The following PFDN1 variants were observed in gnomAD, a reference collection of about 807,000 sequenced individuals.
PFDN1 encodes the protein prefoldin subunit 1.
In PFDN1, 6 loss-of-function variants were observed where a neutral mutation model predicts 17.3. The observed-to-expected ratio is 0.35, with a 90% CI of 0.19 to 0.69. The LOEUF is 0.69. Ranked by LOEUF, PFDN1 falls within the 30% of genes least tolerant of loss-of-function variation. The pLI, the probability that PFDN1 is intolerant of heterozygous loss-of-function variation, is 0.65. For missense variants in PFDN1, 113 were observed against 146.2 expected (o/e 0.77, Z 1.17); for synonymous variants, 58 against 50.1 (o/e 1.16, Z -0.67).
intron 2 of PFDN1, among the ~76,000 whole-genome samples, chr5:140,289,180 G>A (rs1316459098): frequency 1.3e-5 from 2 of 151,894 alleles, no homozygotes; most frequent in Non-Finnish European, 2.9e-5. Context: ...CCAACTATTT[G>A]GGAGGCTGAG....
chr5:140,259,736 C>T (rs931313265), intron 3 of PFDN1, among the ~76,000 whole-genome samples: 1 of 152,180 alleles, frequency 6.6e-6, no homozygotes, highest in African/African-American at 2.4e-5. Context: ...GGAGGTGTAA[C>T]TGACGCAACT....
intron 1 of PFDN1, among the ~76,000 whole-genome samples, chr5:140,302,096 C>T (rs1014043757): frequency 3.3e-5 from 5 of 152,216 alleles, no homozygotes; most frequent in Non-Finnish European, 4.4e-5. Context: ...TGACCACAGG[C>T]AGTCTTAACT....
intron 1 of PFDN1, among the ~76,000 whole-genome samples, chr5:140,300,912 GTAA>G (rs1212943259): frequency 1.3e-5 from 2 of 152,134 alleles, no homozygotes; most frequent in African/African-American, 4.8e-5. Flanking sequence ...AACCATAAAA[GTAA>G]TAACTCACTA....
At chr5:140,255,015 A>G (rs1166297945) in intron 3 of PFDN1, among the ~76,000 whole-genome samples, 4 of 152,196 alleles carry the variant, frequency 2.6e-5, no homozygotes, top group Admixed American at 2.0e-4. Flanking sequence ...GGAAAATGCT[A>G]AACTGTGCTG....
At chr5:140,289,429 C>G (rs1765547291) in intron 2 of PFDN1, among the ~76,000 whole-genome samples, 1 of 152,180 alleles carries the variant, frequency 6.6e-6, no homozygotes, top group Non-Finnish European at 1.5e-5. Flanking sequence ...ACTGTATGCT[C>G]AAATCTAACT....
chr5:140,286,806 TG>T (rs1315025759), intron 2 of PFDN1, among the ~76,000 whole-genome samples: 1 of 152,000 alleles, frequency 6.6e-6, no homozygotes, highest in Non-Finnish European at 1.5e-5. Flanking sequence ...GAGTTTACCA[TG>T]TTGTCCAGGC....
At chr5:140,266,771 G>A (rs1021220907) in intron 3 of PFDN1, among the ~76,000 whole-genome samples, 2 of 152,256 alleles carry the variant, frequency 1.3e-5, no homozygotes, top group Admixed American at 6.5e-5. Context: ...CAAGGGATAG[G>A]AAAGGCATTT....
chr5:140,263,776 C>G (rs1280711624), intron 3 of PFDN1, among the ~76,000 whole-genome samples: 1 of 151,862 alleles, frequency 6.6e-6, no homozygotes, highest in Non-Finnish European at 1.5e-5. Context: ...AATCCCAGCA[C>G]TTTGGGAGGC....
At chr5:140,247,420 G>A (rs1561490014) in intron 3 of PFDN1, among the ~76,000 whole-genome samples, 1 of 151,970 alleles carries the variant, frequency 6.6e-6, no homozygotes, top group African/African-American at 2.4e-5. Flanking sequence ...CATTACAGGC[G>A]TGAGCCACCG....
intron 2 of PFDN1, among the ~76,000 whole-genome samples, chr5:140,289,497 T>C (rs1388438014): frequency 6.6e-6 from 1 of 152,164 alleles, no homozygotes; most frequent in Non-Finnish European, 1.5e-5. Context: ...CCTCATTAAC[T>C]ACTGTATCCA....
chr5:140,270,097 C>A (rs545987699), intron 3 of PFDN1, among the ~76,000 whole-genome samples: 1 of 152,058 alleles, frequency 6.6e-6, no homozygotes, highest in Admixed American at 6.5e-5. Flanking sequence ...TTGGAGGACA[C>A]CTGTGATGTA....
intron 3 of PFDN1, among the ~76,000 whole-genome samples, chr5:140,267,114 G>A (rs538818582): frequency 5.4e-5 from 8 of 148,900 alleles, no homozygotes; most frequent in East Asian, 3.9e-4. Context: ...CACATGCTGC[G>A]GTGTAGGTTA....
At chr5:140,299,333 G>A (rs560056529) in intron 2 of PFDN1, among the ~76,000 whole-genome samples, 47 of 152,252 alleles carry the variant, frequency 3.1e-4, no homozygotes, top group African/African-American at 8.2e-4. Flanking sequence ...GGCCAGGGGC[G>A]GTGGCTCACG....
intron 3 of PFDN1, among the ~76,000 whole-genome samples, chr5:140,273,638 T>G (rs1411175497): frequency 1.3e-5 from 2 of 152,168 alleles, no homozygotes; most frequent in African/African-American, 4.8e-5. Context: ...GTTGGGACTT[T>G]AAACGTCAAG....
chr5:140,257,450 A>C (rs1254759341), intron 3 of PFDN1, among the ~76,000 whole-genome samples: 1 of 152,134 alleles, frequency 6.6e-6, no homozygotes, highest in African/African-American at 2.4e-5. Context: ...TCCACCTGGA[A>C]TGTTCTTCCT....
intron 2 of PFDN1, among the ~76,000 whole-genome samples, chr5:140,282,553 G>T (rs1314480550): frequency 6.6e-6 from 1 of 151,982 alleles, no homozygotes; most frequent in Non-Finnish European, 1.5e-5. Context: ...ATTATTTCCA[G>T]AGTGTATATA....
At chr5:140,249,527 T>A in intron 3 of PFDN1, among the ~76,000 whole-genome samples, 1 of 152,198 alleles carries the variant, frequency 6.6e-6, no homozygotes, top group East Asian at 1.9e-4. Context: ...AGAAGAACCT[T>A]GGGAGGCCTC....
intron 3 of PFDN1, among the ~76,000 whole-genome samples, chr5:140,250,453 T>C (rs1764896928): frequency 6.7e-6 from 1 of 148,260 alleles, no homozygotes; most frequent in South Asian, 2.2e-4. Context: ...TGCGAGGCCT[T>C]CTTGAGTACA....
At chr5:140,283,484 C>T (rs1037969628) in intron 2 of PFDN1, among the ~76,000 whole-genome samples, 1 of 152,182 alleles carries the variant, frequency 6.6e-6, no homozygotes, top group East Asian at 1.9e-4. Flanking sequence ...CTGCCCGCCT[C>T]GGCCTCCCAA....
Sources: allele counts gnomAD v4.1 joint callset (sites outside exome capture counted in the v4.1 genomes callset), GRCh38; gene constraint gnomAD v4.1.1; transcripts MANE v1.5; gene names NCBI Gene and HGNC (gene_info 2026-07-23, HGNC 2026-07-21).